SPOUT1: variants seen among roughly 807,000 people sequenced by gnomAD.
SPOUT1 encodes the protein 28S rRNA (uridine-N(3))-methyltransferase.
In SPOUT1, 40 loss-of-function variants were observed where a neutral mutation model predicts 54.8. The observed-to-expected ratio is 0.73, with a 90% CI of 0.57 to 0.95. The LOEUF is 0.95. Among genes scored for constraint, SPOUT1 ranks in the 40% least tolerant of loss-of-function variants. SPOUT1 has a pLI of 0.00. For missense variants in SPOUT1, 437 were observed against 499.5 expected, an observed-to-expected ratio of 0.87 and a Z score of 1.19; for synonymous variants, 193 against 200.3, an observed-to-expected ratio of 0.96 and a Z score of 0.31.
rs543759045 is a variant in SPOUT1, at chr9:128,822,175, G to A, written c.*590C>T. 42 of 868,048 alleles carry A rather than the reference G, an allele frequency of 4.8e-5. No individual in the cohort carries two copies. In the African/African-American group the frequency reaches 5.3e-4, roughly 11 times the overall value. The allele number at this position is 868,048 out of a possible 1,614,324, so 53.8% of individuals were successfully genotyped here. A position where few individuals can be genotyped will look rare whatever the true frequency, so the allele number is the denominator to read the frequency against. ...ACCCTGGAGAGAGTTCCAGCCTCAA[G>A]GAGGAGCCAGGCAGGCTACAGAAGT... is the stretch of plus-strand genomic sequence containing the variant. On this transcript the variant is annotated 3_prime_UTR_variant, in exon 12 of 12. Coordinates refer to ENST00000361256, the MANE Select transcript of SPOUT1 (RefSeq NM_016390.4).
intron 3 of SPOUT1, among the ~76,000 whole-genome samples, chr9:128,827,585 T>C (rs989242065): frequency 1.3e-5 from 2 of 152,228 alleles, no homozygotes; most frequent in Admixed American, 6.5e-5. Flanking sequence ...ATTATCCCCA[T>C]TTACAGACCA....
chr9:128,828,820 C>A lies in SPOUT1; in HGVS notation c.123G>T (p.Met41Ile), dbSNP rs772175162. ...EKKKWKDLKL[M>I]KKLERQRAQE... The stretch of plus-strand genomic sequence containing the variant: ...GTGCCCGCTGCCGCTCCAGTTTTTT[C>A]ATCAGCTTGAGATCCTTCCATTTTT... The change falls in exon 3 of 12, where the codon ATG becomes ATT. Residue 41 changes from methionine to isoleucine, a missense_variant. Physicochemically the swap from Met to Ile is conservative, Grantham distance 10 (BLOSUM62 1). Transcript: ENST00000361256. The A allele has an allele frequency of 2.5e-6, 4 of 1,614,232 alleles. No individual in the cohort carries two copies. In the Admixed American group the frequency reaches 6.7e-5, roughly 27 times the overall value.
Position 128,828,803 on chromosome 9 carries a change from T to G in SPOUT1, c.140A>C (p.Gln47Pro). 6.2e-7 allele frequency: 1 copy of G among 1,614,188 alleles called. No homozygotes were observed. The highest frequency in any genetic ancestry group is 8.5e-7 in the Non-Finnish European group (1 of 1,180,004). The change falls in exon 3 of 12, where the codon CAG becomes CCG. Residue 47 changes from glutamine to proline, a missense_variant. Transcript: ENST00000361256. ...DLKLMKKLER[Q>P]RAQEEQAKRL... Reference sequence around the variant, plus strand: ...CTTTGCCTGTTCCTCCTGTGCCCGCTGCCGCTCCAGTTTTTTCATCAGCTT... The same window carrying G: ...CTTTGCCTGTTCCTCCTGTGCCCGCGGCCGCTCCAGTTTTTTCATCAGCTT...
At chr9:128,827,398 C>T (rs1248421597) in intron 3 of SPOUT1, among the ~76,000 whole-genome samples, 3 of 152,210 alleles carry the variant, frequency 2.0e-5, no homozygotes, top group African/African-American at 4.8e-5. Flanking sequence ...AACCACTGGG[C>T]GAGGCTGTGG....
rs1830315786 is a variant in SPOUT1 at position 128,829,726 on chromosome 9, T to C, written c.36+19A>G. 1.3e-6 allele frequency: 2 copies of C among 1,583,114 alleles called. No individual in the cohort carries two copies. Among genetic ancestry groups the C allele is most frequent in the African/African-American group, 1.3e-5 (1 of 74,362 alleles). ...CTCCACCATGCTGCCCTGCACGGGG[T>C]CCCGCCGCCCGCACTTACCGGGCCG... On this transcript the variant is annotated intron_variant, in intron 1 of 11. Coordinates refer to ENST00000361256, the MANE Select transcript of SPOUT1 (RefSeq NM_016390.4).
chr9:128,823,235 C>T (rs531520994), intron 11 of SPOUT1, among the ~76,000 whole-genome samples: 4 of 152,214 alleles, frequency 2.6e-5, no homozygotes, highest in South Asian at 2.1e-4. Context: ...ACAGGGCTGT[C>T]GGCCCGGCGA....
intron 1 of SPOUT1, 36 bp downstream of exon 1, chr9:128,829,709 T>A: frequency 1.3e-6 from 2 of 1,523,274 alleles, no homozygotes; most frequent in African/African-American, 2.7e-5. Context: ...GCCTCCACCA[T>A]GCTGCCCTGC....
At position 128,824,069 on chromosome 9, in the gene SPOUT1, C is replaced by CA. The variant is rs757630523; in HGVS notation, c.914+2dup. The CA allele has an allele frequency of 3.4e-5, 55 of 1,612,006 alleles. No homozygotes were observed. Among genetic ancestry groups the CA allele is most frequent in the Non-Finnish European group, 4.7e-5 (55 of 1,178,684 alleles). On this transcript the variant is annotated splice_region_variant and intron_variant, in intron 10 of 11. Transcript: ENST00000361256. ...CCTGGCCGCAGCCCCAGGAGGTACA[C>CA]ACCTGAAGTTGGGAAGCTGGGCAGA...
chr9:128,829,205 C>A, intron 1 of SPOUT1, 50 bp from the exon 2 acceptor site: 1 of 1,507,230 alleles, frequency 6.6e-7, no homozygotes, highest in South Asian at 1.1e-5. Flanking sequence ...GATGGTCACA[C>A]CTGGAGGGGG....
At chr9:128,823,951 C>T (rs533621515) in intron 10 of SPOUT1, 57 bp from the exon 11 acceptor site, 42 of 1,600,114 alleles carry the variant, frequency 2.6e-5, no homozygotes, top group Admixed American at 5.1e-5. Context: ...CCCAGCACAG[C>T]GCCCAGACCT....
chr9:128,824,976 C>T lies in SPOUT1; in HGVS notation c.712+1G>A, dbSNP rs1009654340. On this transcript the variant is annotated splice_donor_variant, in intron 8 of 11. Transcript: ENST00000361256. LOFTEE classifies it high-confidence loss of function. ...CAGGGGTTGGGGAACCTTCCAGATA[C>T]CTGGGTGCTGCTGCTGGTTCAGTCG... 6.3e-7 allele frequency: 1 copy of T among 1,599,348 alleles called. No homozygotes were observed. Among genetic ancestry groups the T allele is most frequent in the Non-Finnish European group, 8.5e-7 (1 of 1,172,280 alleles).
intron 2 of SPOUT1, 46 bp downstream of exon 2, chr9:128,829,064 T>C (rs1315375209): frequency 1.9e-6 from 3 of 1,564,004 alleles, no homozygotes; most frequent in South Asian, 1.1e-5. Flanking sequence ...GACTGAGCAC[T>C]GGTGGAGTGG....
At chr9:128,829,533 G>A (rs1830310665) in intron 1 of SPOUT1, among the ~76,000 whole-genome samples, 1 of 152,184 alleles carries the variant, frequency 6.6e-6, no homozygotes, top group African/African-American at 2.4e-5. Flanking sequence ...TAATCCAGCG[G>A]GGGCCAGGGA....
chr9:128,828,901 C>T (rs1342901703), intron 2 of SPOUT1, 41 bp from the exon 3 acceptor site: 2 of 1,613,058 alleles, frequency 1.2e-6, no homozygotes, highest in South Asian at 2.2e-5. Flanking sequence ...GAGACAGTTC[C>T]CACTCATTGG....
In SPOUT1 at chr9:128,820,681, C is replaced by T. The variant is rs1830092929; in HGVS notation, c.*2084G>A. On this transcript the variant is annotated 3_prime_UTR_variant, in exon 12 of 12. Coordinates refer to ENST00000361256, the MANE Select transcript of SPOUT1 (RefSeq NM_016390.4). ...TCCCCTCAGGACCTGGGGCGGCCCT[C>T]TGATAGAGGAGGAAGGGTCCCAGCC... is the stretch of plus-strand genomic sequence containing the variant. 3.3e-6 allele frequency: 5 copies of T among 1,494,580 alleles called. No homozygotes were observed. In the South Asian group the frequency reaches 3.6e-5, roughly 11 times the overall value. 92.6% of individuals were successfully genotyped at this position (1,494,580 alleles called of 1,614,324 possible).
rs974184433 is a variant in SPOUT1 at position 128,822,810 on chromosome 9, G to A, written c.1086C>T (p.Ala362=). The A allele has an allele frequency of 1.8e-5, 28 of 1,591,462 alleles. No homozygotes were observed. The highest frequency in any genetic ancestry group is 3.3e-4 in the Middle Eastern group (2 of 5,982). The part of the protein sequence containing the change: ...RTEEAILISL[A]ALQPGLIQAG... ...CCTGGATGAGGCCAGGCTGCAGGGC[G>A]GCCAGGGAGATGAGGATGGCTTCCT... Residue 362 remains alanine (A), a synonymous_variant, in exon 12 of 12, where the codon GCC becomes GCT. Transcript: ENST00000361256.
intron 7 of SPOUT1, 115 bp from the exon 8 acceptor site, chr9:128,825,164 G>A: frequency 1.4e-6 from 1 of 715,662 alleles, no homozygotes. Context: ...AGGGGTCCAG[G>A]TCAACCTGCC....
intron 9 of SPOUT1, among the ~76,000 whole-genome samples, 189 bp downstream of exon 9, chr9:128,824,582 T>G (rs2118800080): frequency 6.6e-6 from 1 of 152,264 alleles, no homozygotes; most frequent in South Asian, 2.1e-4. Context: ...TTTTGCTCAG[T>G]AGTCCTTAAC....
In SPOUT1 at chr9:128,820,997, C is replaced by CG. The variant is rs1414226882; in HGVS notation, c.*1767dup. The CG allele has an allele frequency of 1.5e-6, 1 of 682,602 alleles. No individual in the cohort carries two copies. The highest frequency in any genetic ancestry group is 2.5e-6 in the Non-Finnish European group (1 of 398,642). The allele number at this position is 682,602 out of a possible 1,614,324, so 42.3% of individuals were successfully genotyped here. On this transcript the variant is annotated 3_prime_UTR_variant, in exon 12 of 12. Coordinates refer to ENST00000361256, the MANE Select transcript of SPOUT1 (RefSeq NM_016390.4). ...GGCAAGCCTGTCAGCTTCCCTGCCT[C>CG]GAGTCCCCTCATTCCACCTCCACAG...
Sources: gnomAD v4.1 joint callset for allele counts (sites outside exome capture counted in the v4.1 genomes callset) on GRCh38, gnomAD v4.1.1 for gene constraint, MANE v1.5 for transcripts, NCBI Gene and HGNC (gene_info 2026-07-23, HGNC 2026-07-21) for gene names.